Variants in DMXL2 observed in about 807,000 individuals in gnomAD.
DMXL2 encodes the protein Dmx like 2, also known as dmX-like protein 2.
In DMXL2, 103 loss-of-function variants were observed where a neutral mutation model predicts 331.1. The observed-to-expected ratio is 0.31, with a 90% CI of 0.27 to 0.37. The LOEUF (loss-of-function observed/expected upper bound fraction) is 0.37. DMXL2 is among the 10% of genes least tolerant of loss of function. The pLI, the probability that DMXL2 is intolerant of heterozygous loss-of-function variation, is 1.00. For missense variants in DMXL2, 3,171 were observed against 3,642.9 expected, an observed-to-expected ratio of 0.87 and a Z score of 3.33; for synonymous variants, 1,281 against 1,252.1, an observed-to-expected ratio of 1.02 and a Z score of -0.49.
intron 14 of DMXL2, among the ~76,000 whole-genome samples, chr15:51,516,405 C>T (rs971123503): frequency 1.3e-5 from 2 of 152,186 alleles, no homozygotes; most frequent in Non-Finnish European, 2.9e-5. Flanking sequence ...TTTTAAAGGA[C>T]CTCACAAAAG....
chr15:51,486,442 G>A, intron 22 of DMXL2, 105 bp from the exon 23 acceptor site: 1 of 870,362 alleles, frequency 1.1e-6, no homozygotes, highest in South Asian at 1.8e-5. Flanking sequence ...TATCCTAATG[G>A]TGGGCGAAGG....
chr15:51,485,019 A>G (rs2042284911), intron 23 of DMXL2, among the ~76,000 whole-genome samples: 1 of 148,912 alleles, frequency 6.7e-6, no homozygotes, highest in South Asian at 2.2e-4. Flanking sequence ...GTCTTTTGAA[A>G]TAACTCAGGC....
rs780067092 is a variant in DMXL2, at chr15:51,456,351, G to A, written c.8356C>T (p.His2786Tyr). Residue 2786 changes from histidine to tyrosine, a missense_variant, in exon 38 of 44, where the codon CAT becomes TAT. Transcript: ENST00000560891. Reference sequence around the variant, plus strand: ...TGTGAAGTCATTCTCTTAACATTATGTAGATTCCTTTTCATAAGCTTTAAA... The same window carrying A: ...TGTGAAGTCATTCTCTTAACATTATATAGATTCCTTTTCATAAGCTTTAAA... Reference protein sequence around the residue: ...GASVLMKRNLHNVKRMTSHPV... With the variant: ...GASVLMKRNLYNVKRMTSHPV... 5.7e-6 allele frequency: 9 copies of A among 1,588,488 alleles called. No homozygotes were observed. The highest frequency in any genetic ancestry group is 7.7e-6 in the Non-Finnish European group (9 of 1,169,950).
At chr15:51,494,992 T>A (rs560450781) in intron 19 of DMXL2, 32 bp downstream of exon 19, 2 of 1,514,216 alleles carry the variant, frequency 1.3e-6, no homozygotes, top group South Asian at 2.3e-5. Context: ...TAAGTAAAAG[T>A]TGTGCAAAGC....
chr15:51,601,821 T>A (rs1484258838), intron 1 of DMXL2, among the ~76,000 whole-genome samples: 1 of 152,202 alleles, frequency 6.6e-6, no homozygotes, highest in Non-Finnish European at 1.5e-5. Flanking sequence ...GATACATAAA[T>A]AAGCTTGGAA....
intron 19 of DMXL2, among the ~76,000 whole-genome samples, chr15:51,494,155 G>GA (rs1246374429): frequency 2.6e-5 from 4 of 151,932 alleles, no homozygotes; most frequent in African/African-American, 7.3e-5. Context: ...AATTCAAATA[G>GA]AAAAAATACC....
At chr15:51,452,558 T>C (rs2039242746) in intron 41 of DMXL2, among the ~76,000 whole-genome samples, 1 of 152,146 alleles carries the variant, frequency 6.6e-6, no homozygotes, top group Admixed American at 6.5e-5. Context: ...ACCTTATTCC[T>C]GCAAGAATGG....
At chr15:51,454,514 TG>T (rs2039442615) in intron 40 of DMXL2, among the ~76,000 whole-genome samples, 1 of 152,192 alleles carries the variant, frequency 6.6e-6, no homozygotes, top group Non-Finnish European at 1.5e-5. Flanking sequence ...TTTTTTTTTC[TG>T]AGACGAAGTC....
intron 16 of DMXL2, among the ~76,000 whole-genome samples, chr15:51,506,341 G>A (rs898666886): frequency 3.3e-5 from 5 of 151,680 alleles, no homozygotes; most frequent in Admixed American, 2.0e-4. Flanking sequence ...GGGATTATAC[G>A]CATGAGCCAC....
intron 12 of DMXL2, 58 bp from the exon 13 acceptor site, chr15:51,535,842 G>T: frequency 6.5e-7 from 1 of 1,527,606 alleles, no homozygotes; most frequent in African/African-American, 1.4e-5. Flanking sequence ...TTTCTTATTG[G>T]CTAAAGGATA....
chr15:51,621,971 C>T (rs1400818325), intron 1 of DMXL2, among the ~76,000 whole-genome samples: 2 of 152,218 alleles, frequency 1.3e-5, no homozygotes, highest in Admixed American at 6.5e-5. Flanking sequence ...AGCAGCTCCT[C>T]GCTGCCCTAG....
At chr15:51,465,367 T>C (rs2040480533) in intron 31 of DMXL2, among the ~76,000 whole-genome samples, 199 bp downstream of exon 31, 1 of 152,084 alleles carries the variant, frequency 6.6e-6, no homozygotes, top group African/African-American at 2.4e-5. Context: ...TGCACTACAG[T>C]CTGGGCAACA....
intron 6 of DMXL2, among the ~76,000 whole-genome samples, chr15:51,549,667 T>G (rs143185101): frequency 9.3e-4 from 141 of 152,244 alleles, no homozygotes; most frequent in African/African-American, 3.3e-3. Flanking sequence ...AGGAGTAAGG[T>G]GGTATCGCAT....
At chr15:51,594,835 G>A (rs1041790341) in intron 1 of DMXL2, among the ~76,000 whole-genome samples, 26 of 152,270 alleles carry the variant, frequency 1.7e-4, no homozygotes, top group African/African-American at 5.5e-4. Context: ...CTCAAGAGAC[G>A]CAGAAAAGGC....
intron 13 of DMXL2, among the ~76,000 whole-genome samples, chr15:51,529,267 A>T (rs377535204): frequency 1.3e-5 from 2 of 152,158 alleles, no homozygotes; most frequent in African/African-American, 4.8e-5. Flanking sequence ...AGATCAGAGC[A>T]TAAATTAAAT....
chr15:51,548,610 T>G (rs1429810229), intron 6 of DMXL2, among the ~76,000 whole-genome samples: 2 of 151,942 alleles, frequency 1.3e-5, no homozygotes, highest in Non-Finnish European at 2.9e-5. Flanking sequence ...CCCTCAAAAG[T>G]CACAATGGAA....
rs2041083854 is a variant in DMXL2 at position 51,471,287 on chromosome 15, C to G, written c.7328G>C (p.Arg2443Thr). The G allele has an allele frequency of 1.2e-6, 2 of 1,613,976 alleles. No homozygotes were observed. The highest frequency in any genetic ancestry group is 1.7e-6 in the Non-Finnish European group (2 of 1,179,966). ...DATPPPVPAE[R>T]PSYKEKFIPP... Reference sequence around the variant, plus strand: ...AATAAATTTTTCTTTGTAAGATGGTCTTTCTGCAGGCACCGGTGGTGGGGT... The same window carrying G: ...AATAAATTTTTCTTTGTAAGATGGTGTTTCTGCAGGCACCGGTGGTGGGGT... Residue 2443 changes from arginine (R) to threonine (T), a missense_variant, in exon 29 of 44, where the codon AGA becomes ACA. Transcript: ENST00000560891.
chr15:51,471,229 A>G lies in DMXL2; in HGVS notation c.7386T>C (p.Val2462=). The change falls in exon 29 of 44, where the codon GTT becomes GTC. Residue 2462 remains valine (V), a synonymous_variant. Transcript: ENST00000560891. ...CATTCCTCACACTCCTTACCTTTGCAACAAAATAATCCCACATACTAAGTT... is the reference window on the plus strand; with the variant it reads ...CATTCCTCACACTCCTTACCTTTGCGACAAAATAATCCCACATACTAAGTT... ...PPELSMWDYF[V]AKPFLPLSDS... The G allele has an allele frequency of 6.2e-7, 1 of 1,613,610 alleles. No homozygotes were observed. Among genetic ancestry groups the G allele is most frequent in the Non-Finnish European group, 8.5e-7 (1 of 1,179,700 alleles).
At chr15:51,562,684 C>A (rs980856155) in intron 6 of DMXL2, among the ~76,000 whole-genome samples, 1 of 152,176 alleles carries the variant, frequency 6.6e-6, no homozygotes, top group Non-Finnish European at 1.5e-5. Flanking sequence ...AAAGCAATTA[C>A]TATCTCCAAA....
Sources: allele counts gnomAD v4.1 joint callset (sites outside exome capture counted in the v4.1 genomes callset), GRCh38; gene constraint gnomAD v4.1.1; transcripts MANE v1.5; gene names NCBI Gene and HGNC (gene_info 2026-07-23, HGNC 2026-07-21).